HCN1: variants seen among roughly 807,000 people sequenced by gnomAD.
HCN1 encodes the protein potassium/sodium hyperpolarization-activated cyclic nucleotide-gated channel 1.
In HCN1, 13 loss-of-function variants were observed where a neutral mutation model predicts 78.9. The ratio of observed to expected loss-of-function variants is 0.16; its 90% CI spans 0.11 to 0.26. The LOEUF is 0.26. Among genes scored for constraint, HCN1 ranks in the 10% least tolerant of loss-of-function variants. The pLI is 1.00. For missense variants in HCN1, 810 were observed against 1,154.3 expected (o/e 0.70, Z 4.32); for synonymous variants, 552 against 455.5 (o/e 1.21, Z -2.70).
intron 5 of HCN1, among the ~76,000 whole-genome samples, chr5:45,311,330 T>TA (rs1164401179): frequency 6.6e-6 from 1 of 152,202 alleles, no homozygotes; most frequent in Non-Finnish European, 1.5e-5. Context: ...GTTTTTATTT[T>TA]AAAAGATCTC....
intron 4 of HCN1, among the ~76,000 whole-genome samples, chr5:45,375,385 T>A (rs941004764): frequency 1.6e-5 from 2 of 124,330 alleles, no homozygotes; most frequent in African/African-American, 6.2e-5. Context: ...TATAATATAA[T>A]ATTTTATGAT....
intron 2 of HCN1, among the ~76,000 whole-genome samples, chr5:45,551,640 C>G (rs1436324114): frequency 6.6e-6 from 1 of 151,860 alleles, no homozygotes; most frequent in Non-Finnish European, 1.5e-5. Flanking sequence ...TACGAAATTT[C>G]ATTGCTAAAG....
chr5:45,550,043 G>A (rs563388930), intron 2 of HCN1, among the ~76,000 whole-genome samples: 1 of 152,250 alleles, frequency 6.6e-6, no homozygotes, highest in East Asian at 1.9e-4. Context: ...CTTTTACACT[G>A]TTGGTGGGAC....
chr5:45,599,154 C>A (rs1294425202), intron 2 of HCN1, among the ~76,000 whole-genome samples: 1 of 151,974 alleles, frequency 6.6e-6, no homozygotes, highest in Admixed American at 6.6e-5. Context: ...GACTTGGAAC[C>A]AACACAAATA....
intron 2 of HCN1, among the ~76,000 whole-genome samples, chr5:45,538,356 A>C (rs1394921885): frequency 6.6e-6 from 1 of 152,202 alleles, no homozygotes; most frequent in Admixed American, 6.5e-5. Flanking sequence ...CAATCATCAT[A>C]ATAATAAGAA....
chr5:45,486,077 TGTAA>T (rs1332117592), intron 2 of HCN1, among the ~76,000 whole-genome samples: 4 of 152,180 alleles, frequency 2.6e-5, no homozygotes, highest in African/African-American at 9.7e-5. Flanking sequence ...AAGTGATGCA[TGTAA>T]GGTTCACATC....
At chr5:45,602,537 G>A (rs943963872) in intron 2 of HCN1, among the ~76,000 whole-genome samples, 46 of 152,084 alleles carry the variant, frequency 3.0e-4, no homozygotes, top group Non-Finnish European at 1.0e-4. Flanking sequence ...TCAGTCTGTG[G>A]TATTTTCTTG....
rs535276277 is a variant in HCN1, at chr5:45,282,576, C to T, written c.1619-15323G>A. On this transcript the variant is annotated intron_variant, in intron 6 of 7. Coordinates refer to ENST00000303230, the MANE Select transcript of HCN1 (RefSeq NM_021072.4). ...ATGCTACTGTCAGTGGAATAAATTT[C>T]AAATTCCTTAATCTGGCTTTCAAAA... 1.5e-3 allele frequency among the ~76,000 whole-genome samples: 231 copies of T among 152,294 alleles called. No homozygotes were observed. The Middle Eastern group carries it at 0.031, about 20-fold the overall frequency.
At chr5:45,581,371 G>GT (rs1407780538) in intron 2 of HCN1, among the ~76,000 whole-genome samples, 3 of 152,044 alleles carry the variant, frequency 2.0e-5, no homozygotes, top group Non-Finnish European at 2.9e-5. Context: ...GGGGTTGTTT[G>GT]TTTTTTTCTT....
chr5:45,582,332 G>T (rs1220482226), intron 2 of HCN1, among the ~76,000 whole-genome samples: 5 of 151,984 alleles, frequency 3.3e-5, no homozygotes, highest in Admixed American at 3.3e-4. Context: ...GTCTGTTGTT[G>T]GTGTATAAGA....
intron 2 of HCN1, among the ~76,000 whole-genome samples, chr5:45,533,986 C>T (rs570361088): frequency 2.9e-4 from 44 of 152,232 alleles, no homozygotes; most frequent in African/African-American, 1.0e-3. Flanking sequence ...TGGCACCCAG[C>T]TTTAAGATGT....
At chr5:45,639,079 T>C (rs1452453970) in intron 2 of HCN1, among the ~76,000 whole-genome samples, 2 of 152,202 alleles carry the variant, frequency 1.3e-5, no homozygotes, top group Admixed American at 6.6e-5. Flanking sequence ...AAAGTATAGT[T>C]AGAAATCATT....
At chr5:45,454,785 G>T (rs571559953) in intron 3 of HCN1, among the ~76,000 whole-genome samples, 8 of 152,050 alleles carry the variant, frequency 5.3e-5, no homozygotes, top group African/African-American at 1.4e-4. Context: ...TGATAGAATG[G>T]CAATAGATAA....
chr5:45,400,005 T>C (rs1341123374), intron 3 of HCN1, among the ~76,000 whole-genome samples: 3 of 152,080 alleles, frequency 2.0e-5, no homozygotes, highest in Non-Finnish European at 2.9e-5. Flanking sequence ...CAGAAATACA[T>C]CTAAGATTTC....
At chr5:45,648,343 G>T (rs1401985264) in intron 1 of HCN1, among the ~76,000 whole-genome samples, 3 of 152,134 alleles carry the variant, frequency 2.0e-5, no homozygotes, top group Non-Finnish European at 2.9e-5. Context: ...CAGTAATAAT[G>T]CTTATCACAC....
chr5:45,342,838 G>A (rs1443598077), intron 5 of HCN1, among the ~76,000 whole-genome samples: 1 of 152,044 alleles, frequency 6.6e-6, no homozygotes, highest in African/African-American at 2.4e-5. Flanking sequence ...AACAAAATTT[G>A]AAAACATAGA....
At chr5:45,694,870 T>C (rs957171906) in intron 1 of HCN1, among the ~76,000 whole-genome samples, 3 of 152,358 alleles carry the variant, frequency 2.0e-5, no homozygotes, top group South Asian at 2.1e-4. Context: ...AGCTTTCCTG[T>C]CCTTCTTCCC....
chr5:45,393,055 T>A (rs1739614984), intron 4 of HCN1, among the ~76,000 whole-genome samples: 1 of 152,192 alleles, frequency 6.6e-6, no homozygotes, highest in Admixed American at 6.6e-5. Context: ...TGCAGTCTGA[T>A]TCACAGTTTC....
At chr5:45,560,581 C>T (rs562914355) in intron 2 of HCN1, among the ~76,000 whole-genome samples, 1 of 151,810 alleles carries the variant, frequency 6.6e-6, no homozygotes, top group South Asian at 2.1e-4. Context: ...GATACATTGA[C>T]CAAAAAGTTG....
Sources: allele counts gnomAD v4.1 joint callset (sites outside exome capture counted in the v4.1 genomes callset), GRCh38; gene constraint gnomAD v4.1.1; transcripts MANE v1.5; gene names NCBI Gene and HGNC (gene_info 2026-07-23, HGNC 2026-07-21).